PPT1: variants seen among roughly 807,000 people sequenced by gnomAD.
PPT1 encodes ceroid-palmitoyl-palmitoyl-protein thioesterase 1.
PPT1 carries 24 observed loss-of-function variants against 44.0 expected under a neutral mutation model. The ratio of observed to expected loss-of-function variants is 0.54; its 90% CI spans 0.39 to 0.77. The LOEUF is 0.77. PPT1 is among the 30% of genes least tolerant of loss of function. PPT1 has a pLI of 0.00. For missense variants in PPT1, 341 were observed against 378.8 expected (o/e 0.90, Z 0.83); for synonymous variants, 148 against 140.2 (o/e 1.06, Z -0.39).
intron 6 of PPT1, among the ~76,000 whole-genome samples, chr1:40,079,705 C>T (rs1193271834): frequency 6.6e-6 from 1 of 152,078 alleles, no homozygotes; most frequent in Non-Finnish European, 1.5e-5. Flanking sequence ...CTTCTATAGG[C>T]TTTTCTTACC....
At chr1:40,082,881 A>C (rs1334305677) in intron 5 of PPT1, among the ~76,000 whole-genome samples, 1 of 152,238 alleles carries the variant, frequency 6.6e-6, no homozygotes, top group East Asian at 1.9e-4. Flanking sequence ...ACAGCTATAG[A>C]GGAGAAGTCA....
chr1:40,074,630 G>T (rs1648516961), intron 8 of PPT1, among the ~76,000 whole-genome samples: 1 of 151,758 alleles, frequency 6.6e-6, no homozygotes, highest in South Asian at 2.1e-4. Flanking sequence ...ACCATGCCTG[G>T]GTAATTTCTT....
chr1:40,087,656 T>G (rs978256319), intron 5 of PPT1, among the ~76,000 whole-genome samples: 2 of 152,056 alleles, frequency 1.3e-5, no homozygotes, highest in African/African-American at 4.8e-5. Flanking sequence ...AAGAAAAGTA[T>G]AGGCGTTTTG....
rs1363550276 is a variant in PPT1, at chr1:40,092,551, T to C, written c.125-44A>G. ...TGATGGAAACTCATGAGTCCAAATA[T>C]TGTTTATTGTTTAAAAACTCTGAGG... On this transcript the variant is annotated intron_variant, in intron 1 of 8. Transcript: ENST00000642050. The C allele has an allele frequency of 2.8e-6, 4 of 1,436,236 alleles. No homozygotes were observed. In the Admixed American group the frequency reaches 5.0e-5, roughly 18 times the overall value. The allele number at this position is 1,436,236 out of a possible 1,614,324, so 89.0% of individuals were successfully genotyped here.
Position 40,076,835 on chromosome 1 carries a change from C to T in PPT1, c.798+7G>A. On this transcript the variant is annotated splice_region_variant and intron_variant, in intron 8 of 8. Coordinates refer to ENST00000642050, the MANE Select transcript of PPT1 (RefSeq NM_000310.4). Reference sequence around the variant, plus strand: ...CAACCTCCCAAGATAGACTCCCTGCCAGTTACCTGTGTGTACAGGGAGGTC... The same window carrying T: ...CAACCTCCCAAGATAGACTCCCTGCTAGTTACCTGTGTGTACAGGGAGGTC... 1 of 1,614,100 alleles carries T rather than the reference C, an allele frequency of 6.2e-7. No individual in the cohort carries two copies.
chr1:40,091,504 C>A, intron 3 of PPT1, 105 bp from the exon 4 acceptor site: 2 of 1,022,858 alleles, frequency 2.0e-6, no homozygotes, highest in East Asian at 5.2e-5. Context: ...TCCCCAAACC[C>A]GCAGAGTTTC....
chr1:40,076,546 A>T, intron 8 of PPT1: 1 of 914,888 alleles, frequency 1.1e-6, no homozygotes, highest in East Asian at 1.2e-4. Flanking sequence ...CAAGGCAGCT[A>T]GTTTTAAAAC....
At chr1:40,094,930 T>A (rs2124491609) in intron 1 of PPT1, among the ~76,000 whole-genome samples, 1 of 152,318 alleles carries the variant, frequency 6.6e-6, no homozygotes, top group East Asian at 1.9e-4. Context: ...GACCCCACTG[T>A]AGTAGCCCCA....
chr1:40,071,818 A>C, downstream of PPT1: 1 of 478,636 alleles, frequency 2.1e-6, no homozygotes, highest in Admixed American at 3.7e-5. Flanking sequence ...GATGCATTTT[A>C]GCTTTGAGCT....
chr1:40,091,927 A>G (rs1257710547), intron 3 of PPT1, 118 bp downstream of exon 3: 2 of 1,268,330 alleles, frequency 1.6e-6, no homozygotes, highest in Non-Finnish European at 2.2e-6. Flanking sequence ...GGAACATTTT[A>G]GGAAATTTCC....
intron 1 of PPT1, chr1:40,093,934 T>TATC (rs1303747914): frequency 2.8e-6 from 2 of 707,460 alleles, no homozygotes; most frequent in Admixed American, 4.1e-5. Flanking sequence ...GGCTCATACC[T>TATC]ATCATCCCAG....
At chr1:40,082,085 T>A (rs905630281) in intron 5 of PPT1, 1 of 152,242 alleles carries the variant, frequency 6.6e-6, no homozygotes, top group East Asian at 1.9e-4. Flanking sequence ...CCCCACCTCC[T>A]CAAAATGGGC....
intron 7 of PPT1, among the ~76,000 whole-genome samples, chr1:40,077,451 A>T (rs963149398): frequency 6.6e-6 from 1 of 152,246 alleles, no homozygotes; most frequent in Non-Finnish European, 1.5e-5. Flanking sequence ...CATAATCTTT[A>T]TATGTCCAAA....
At chr1:40,074,522 C>T (rs897344992) in intron 8 of PPT1, among the ~76,000 whole-genome samples, 1 of 146,568 alleles carries the variant, frequency 6.8e-6, no homozygotes, top group African/African-American at 2.5e-5. Context: ...GGCTGGAGTG[C>T]AGTGGTGCGA....
At chr1:40,074,426 C>T (rs1282134871) in intron 8 of PPT1, among the ~76,000 whole-genome samples, 2 of 122,310 alleles carry the variant, frequency 1.6e-5, no homozygotes, top group Admixed American at 9.0e-5. Flanking sequence ...CTCCTGTCCC[C>T]CCCGCTTCTT....
rs1327160332 is a variant in PPT1 at position 40,073,959 on chromosome 1, C to A, written c.*102G>T. 3 of 1,493,068 alleles carry A rather than the reference C, an allele frequency of 2.0e-6. No individual in the cohort carries two copies. In the African/African-American group the frequency reaches 4.2e-5, roughly 21 times the overall value. 92.5% of individuals were successfully genotyped at this position (1,493,068 alleles called of 1,614,324 possible). A position where few individuals can be genotyped will look rare whatever the true frequency, so the allele number is the denominator to read the frequency against. On this transcript the variant is annotated 3_prime_UTR_variant, in exon 9 of 9. Transcript: ENST00000642050. ...TGTTAGATGATAGAAGGATTAGTTG[C>A]AAGCTGGATCTGAGCTCAGGCTTGG...
intron 8 of PPT1, among the ~76,000 whole-genome samples, chr1:40,075,863 A>G (rs1648591801): frequency 7.1e-6 from 1 of 141,298 alleles, no homozygotes; most frequent in South Asian, 2.4e-4. Flanking sequence ...AGTGAGGCTG[A>G]GGCAGGATAA....
chr1:40,079,675 C>T lies in PPT1; in HGVS notation c.627+722G>A, dbSNP rs146678785. 2.3e-3 allele frequency among the ~76,000 whole-genome samples: 357 copies of T among 152,190 alleles called. 3 individuals are homozygous for T. The highest frequency in any genetic ancestry group is 8.4e-3 in the African/African-American group (347 of 41,530). On this transcript the variant is annotated intron_variant, in intron 6 of 8. Coordinates refer to ENST00000642050, the MANE Select transcript of PPT1 (RefSeq NM_000310.4). ...CCTCCCAAAGTGCTGGGATTACAGG[C>T]GTGAGCCACCACGCCCGGCCTTCTA...
chr1:40,074,992 C>A (rs1034745401), intron 8 of PPT1: 1 of 152,174 alleles, frequency 6.6e-6, no homozygotes, highest in Non-Finnish European at 1.5e-5. Context: ...CGGTGGCTCA[C>A]GCCTATAATC....
Sources: allele counts gnomAD v4.1 joint callset (sites outside exome capture counted in the v4.1 genomes callset), GRCh38; gene constraint gnomAD v4.1.1; transcripts MANE v1.5; gene names NCBI Gene and HGNC (gene_info 2026-07-23, HGNC 2026-07-21).